DOCK3: variants seen among roughly 807,000 people sequenced by gnomAD.
DOCK3 encodes dedicator of cytokinesis 3, also known as dedicator of cytokinesis protein 3.
In DOCK3, 60 loss-of-function variants were observed where a neutral mutation model predicts 265.6. The ratio of observed to expected loss-of-function variants is 0.23; its 90% CI spans 0.18 to 0.28. DOCK3 has a LOEUF of 0.28. Ranked by LOEUF, DOCK3 falls within the 10% of genes least tolerant of loss-of-function variation. The probability of loss-of-function intolerance (pLI) is 1.00; values close to 1 mark genes in which losing one functional copy is unlikely to be tolerated. For missense variants in DOCK3, 1,981 were observed against 2,594.3 expected (o/e 0.76, Z 5.14); for synonymous variants, 881 against 938.0 (o/e 0.94, Z 1.11).
chr3:50,759,794 G>T (rs2040414732), intron 1 of DOCK3, among the ~76,000 whole-genome samples: 1 of 150,950 alleles, frequency 6.6e-6, no homozygotes, highest in Non-Finnish European at 1.5e-5. Context: ...GGAGTTCAAG[G>T]CTACAATAAG....
chr3:50,888,443 A>G (rs1045661836), intron 3 of DOCK3, among the ~76,000 whole-genome samples: 2 of 152,176 alleles, frequency 1.3e-5, no homozygotes, highest in Non-Finnish European at 2.9e-5. Context: ...GCCCAAGGTA[A>G]TTTATAGATT....
chr3:51,331,937 G>C (rs2084547190), intron 33 of DOCK3, among the ~76,000 whole-genome samples: 1 of 152,204 alleles, frequency 6.6e-6, no homozygotes, highest in African/African-American at 2.4e-5. Context: ...TTTGAAAAAT[G>C]CTGGTACATT....
intron 14 of DOCK3, among the ~76,000 whole-genome samples, chr3:51,224,348 T>C (rs1358305796): frequency 6.6e-6 from 1 of 152,230 alleles, no homozygotes; most frequent in Non-Finnish European, 1.5e-5. Context: ...ACGAAGACCC[T>C]GAAATCCTCA....
chr3:51,000,720 T>G (rs2078451642), intron 5 of DOCK3, among the ~76,000 whole-genome samples: 1 of 152,206 alleles, frequency 6.6e-6, no homozygotes. Flanking sequence ...TGGCGCGATC[T>G]TGGCTCACTG....
chr3:50,885,040 G>A (rs1269430969), intron 3 of DOCK3, among the ~76,000 whole-genome samples: 1 of 152,126 alleles, frequency 6.6e-6, no homozygotes, highest in Non-Finnish European at 1.5e-5. Context: ...TGTGCCACCT[G>A]TTCATCCTTT....
At chr3:51,124,599 C>A (rs2084182298) in intron 9 of DOCK3, among the ~76,000 whole-genome samples, 1 of 152,078 alleles carries the variant, frequency 6.6e-6, no homozygotes, top group Non-Finnish European at 1.5e-5. Context: ...TAAGAGAGTT[C>A]TTTGAAGTCT....
intron 40 of DOCK3, 101 bp from the exon 41 acceptor site, chr3:51,354,781 T>G (rs1202355676): frequency 6.6e-7 from 1 of 1,515,376 alleles, no homozygotes; most frequent in African/African-American, 1.4e-5. Context: ...CAGAGAAGGC[T>G]CCTAAGATAT....
intron 2 of DOCK3, among the ~76,000 whole-genome samples, chr3:50,806,259 C>T (rs991282825): frequency 1.3e-5 from 2 of 152,014 alleles, no homozygotes; most frequent in African/African-American, 4.8e-5. Flanking sequence ...GCTCAGTCAG[C>T]TCAGGGGTGT....
intron 32 of DOCK3, among the ~76,000 whole-genome samples, chr3:51,329,686 G>T (rs2084388865): frequency 6.6e-6 from 1 of 152,204 alleles, no homozygotes; most frequent in African/African-American, 2.4e-5. Context: ...TTTAATGCCA[G>T]TCATTAGAGT....
intron 32 of DOCK3, among the ~76,000 whole-genome samples, chr3:51,327,917 G>C (rs2084254501): frequency 6.6e-6 from 1 of 151,902 alleles, no homozygotes; most frequent in Non-Finnish European, 1.5e-5. Context: ...CCTGACCTCA[G>C]GTGATCTGCC....
In DOCK3 at chr3:51,358,099, C is replaced by T. The variant is rs770294916; in HGVS notation, c.4884+22C>T. On this transcript the variant is annotated intron_variant, in intron 46 of 52. Coordinates refer to ENST00000266037, the MANE Select transcript of DOCK3 (RefSeq NM_004947.5). ...CCATGTAAGTTGATCCCTGTCCTGC[C>T]CCTGCTGCAGTAGAACCAGGTGTCA... 145 of 1,607,874 alleles carry T rather than the reference C, an allele frequency of 9.0e-5. 1 individual carries two copies. Among genetic ancestry groups the T allele is most frequent in the South Asian group, 4.4e-5 (4 of 90,898 alleles).
chr3:51,071,155 A>C (rs961575184), intron 6 of DOCK3, among the ~76,000 whole-genome samples: 3 of 152,202 alleles, frequency 2.0e-5, no homozygotes, highest in Non-Finnish European at 4.4e-5. Flanking sequence ...CATTTAAAAG[A>C]AATAGAGATT....
chr3:50,963,068 C>T (rs768966081), intron 5 of DOCK3, among the ~76,000 whole-genome samples: 3 of 152,032 alleles, frequency 2.0e-5, no homozygotes, highest in Non-Finnish European at 2.9e-5. Flanking sequence ...ACCTGTAATC[C>T]CAGCTACATG....
Position 51,330,129 on chromosome 3 carries a change from T to C in DOCK3, c.3403-9T>C. On this transcript the variant is annotated splice_polypyrimidine_tract_variant and intron_variant, in intron 32 of 52. Coordinates refer to ENST00000266037, the MANE Select transcript of DOCK3 (RefSeq NM_004947.5). ...ATCTCAGGTTTATGAAGTCTCTGCTTCCTTCTAGGTGGAGGCCGAGTTGAT... is the reference window on the plus strand; with the variant it reads ...ATCTCAGGTTTATGAAGTCTCTGCTCCCTTCTAGGTGGAGGCCGAGTTGAT... 6.3e-7 allele frequency: 1 copy of C among 1,594,224 alleles called. No homozygotes were observed. Among genetic ancestry groups the C allele is most frequent in the South Asian group, 1.1e-5 (1 of 87,350 alleles).
At chr3:50,829,449 T>A (rs1181341475) in intron 2 of DOCK3, among the ~76,000 whole-genome samples, 3 of 152,156 alleles carry the variant, frequency 2.0e-5, no homozygotes, top group Non-Finnish European at 4.4e-5. Context: ...ATATAAAATT[T>A]TGGATTTACT....
At chr3:50,755,634 G>A (rs372419723) in intron 1 of DOCK3, among the ~76,000 whole-genome samples, 14 of 152,042 alleles carry the variant, frequency 9.2e-5, no homozygotes, top group African/African-American at 3.4e-4. Flanking sequence ...TCATCTCCCA[G>A]GAAAGAAACT....
At chr3:50,711,020 G>C (rs1219637383) in intron 1 of DOCK3, among the ~76,000 whole-genome samples, 1 of 152,138 alleles carries the variant, frequency 6.6e-6, no homozygotes, top group African/African-American at 2.4e-5. Context: ...CACTGGTCAG[G>C]TGATAGGTAT....
chr3:50,688,852 C>A (rs2035021828), intron 1 of DOCK3, among the ~76,000 whole-genome samples: 1 of 152,114 alleles, frequency 6.6e-6, no homozygotes, highest in Non-Finnish European at 1.5e-5. Context: ...GAGTCTTCCC[C>A]CCTTTTCAAA....
chr3:50,699,343 A>G (rs1446392806), intron 1 of DOCK3, among the ~76,000 whole-genome samples: 1 of 152,174 alleles, frequency 6.6e-6, no homozygotes, highest in African/African-American at 2.4e-5. Flanking sequence ...AAAATCAGGA[A>G]GTTGAGCCTT....
Sources: allele counts gnomAD v4.1 joint callset (sites outside exome capture counted in the v4.1 genomes callset), GRCh38; gene constraint gnomAD v4.1.1; transcripts MANE v1.5; gene names NCBI Gene and HGNC (gene_info 2026-07-23, HGNC 2026-07-21).